Variants in CNTN1 observed in about 807,000 individuals in gnomAD.
The protein encoded by CNTN1 is contactin-1.
CNTN1 carries 38 observed loss-of-function variants against 126.4 expected under a neutral mutation model. The ratio of observed to expected loss-of-function variants is 0.30; its 90% CI spans 0.23 to 0.39. The LOEUF is 0.39. CNTN1 is among the 10% of genes least tolerant of loss of function. The probability of loss-of-function intolerance (pLI) is 1.00; values close to 1 mark genes in which losing one functional copy is unlikely to be tolerated. For missense variants in CNTN1, 1,009 were observed against 1,248.4 expected, an observed-to-expected ratio of 0.81 and a Z score of 2.89; for synonymous variants, 413 against 422.6, an observed-to-expected ratio of 0.98 and a Z score of 0.28.
intron 15 of CNTN1, among the ~76,000 whole-genome samples, chr12:40,974,237 T>G (rs1054955262): frequency 6.6e-6 from 1 of 151,272 alleles, no homozygotes; most frequent in African/African-American, 2.4e-5. Flanking sequence ...CAATAAAGAG[T>G]GGGAATGTAT....
chr12:40,903,503 A>AG (rs1309163078), intron 1 of CNTN1, among the ~76,000 whole-genome samples: 2 of 150,134 alleles, frequency 1.3e-5, no homozygotes, highest in African/African-American at 2.4e-5. Flanking sequence ...GAGAAGTAGT[A>AG]GGGGCAGTTT....
At chr12:40,906,918 T>A (rs1258960559) in intron 1 of CNTN1, among the ~76,000 whole-genome samples, 1 of 152,132 alleles carries the variant, frequency 6.6e-6, no homozygotes, top group Non-Finnish European at 1.5e-5. Flanking sequence ...CCTCAGGTGA[T>A]CTACGAGCTT....
intron 1 of CNTN1, among the ~76,000 whole-genome samples, chr12:40,739,639 C>T (rs917863297): frequency 6.6e-6 from 1 of 151,962 alleles, no homozygotes; most frequent in African/African-American, 2.4e-5. Context: ...AGGCTTCAGC[C>T]ATATCTGTAA....
intron 1 of CNTN1, among the ~76,000 whole-genome samples, chr12:40,905,433 C>T (rs1944774594): frequency 6.6e-6 from 1 of 152,138 alleles, no homozygotes; most frequent in Non-Finnish European, 1.5e-5. Context: ...TCTCTCTGGT[C>T]AGTGCTGCTT....
chr12:40,779,831 A>G (rs1939723825), intron 1 of CNTN1, among the ~76,000 whole-genome samples: 1 of 151,952 alleles, frequency 6.6e-6, no homozygotes, highest in African/African-American at 2.4e-5. Flanking sequence ...TCAGCAGGAT[A>G]TATTTTAGCT....
intron 5 of CNTN1, 106 bp from the exon 6 acceptor site, chr12:40,924,451 T>C (rs1281904910): frequency 2.9e-6 from 2 of 701,016 alleles, no homozygotes; most frequent in Non-Finnish European, 5.3e-6. Context: ...CACTGAGAAG[T>C]GCTGTATCTC....
At chr12:40,742,689 T>C (rs975333479) in intron 1 of CNTN1, among the ~76,000 whole-genome samples, 2 of 152,010 alleles carry the variant, frequency 1.3e-5, no homozygotes, top group Non-Finnish European at 1.5e-5. Context: ...GTCCTTTGAC[T>C]TCTATTCCTA....
At chr12:40,891,258 G>A (rs1266715788) in intron 1 of CNTN1, among the ~76,000 whole-genome samples, 1 of 151,970 alleles carries the variant, frequency 6.6e-6, no homozygotes, top group Non-Finnish European at 1.5e-5. Context: ...GCATATTTTG[G>A]ATAACACTCC....
intron 1 of CNTN1, among the ~76,000 whole-genome samples, chr12:40,816,221 A>AATGGT (rs1237866987): frequency 6.6e-6 from 1 of 152,296 alleles, no homozygotes; most frequent in African/African-American, 2.4e-5. Context: ...TTTCAGAAGG[A>AATGGT]ATGGTACTAG....
At chr12:40,824,136 A>G (rs1284855784) in intron 1 of CNTN1, among the ~76,000 whole-genome samples, 1 of 152,090 alleles carries the variant, frequency 6.6e-6, no homozygotes, top group East Asian at 1.9e-4. Flanking sequence ...AAACATCTTA[A>G]CAGCGTTGAA....
At chr12:40,705,782 G>T (rs2121134578) in intron 1 of CNTN1, among the ~76,000 whole-genome samples, 2 of 152,286 alleles carry the variant, frequency 1.3e-5, no homozygotes, top group Admixed American at 6.5e-5. Flanking sequence ...GCATAATGCA[G>T]GCATTGCTTC....
chr12:40,912,066 T>C (rs1455064290), intron 3 of CNTN1, among the ~76,000 whole-genome samples: 1 of 152,246 alleles, frequency 6.6e-6, no homozygotes, highest in East Asian at 1.9e-4. Flanking sequence ...TATAATAGTT[T>C]TTAATGATTA....
intron 18 of CNTN1, 143 bp from the exon 19 acceptor site, chr12:41,016,539 C>G (rs1948785204): frequency 4.5e-6 from 3 of 666,076 alleles, no homozygotes; most frequent in East Asian, 2.7e-5. Flanking sequence ...TGTTTTTCCT[C>G]TGACATTTGG....
chr12:40,848,360 G>C (rs1942594164), intron 1 of CNTN1, among the ~76,000 whole-genome samples: 1 of 152,038 alleles, frequency 6.6e-6, no homozygotes, highest in Admixed American at 6.5e-5. Flanking sequence ...CTGTGCTCTA[G>C]GCTAGATTAT....
At chr12:40,971,544 T>C in intron 15 of CNTN1, 2 of 424,080 alleles carry the variant, frequency 4.7e-6, no homozygotes, top group South Asian at 5.6e-5. Flanking sequence ...TGTGAAAGAC[T>C]TTTTTTTTTT....
At chr12:40,880,644 AC>A (rs1943840196) in intron 1 of CNTN1, among the ~76,000 whole-genome samples, 1 of 152,044 alleles carries the variant, frequency 6.6e-6, no homozygotes, top group African/African-American at 2.4e-5. Context: ...TACTCCTTTG[AC>A]AATAAGTGTC....
chr12:40,903,426 G>A (rs1051653677), intron 1 of CNTN1, among the ~76,000 whole-genome samples: 2 of 89,062 alleles, frequency 2.2e-5, no homozygotes, highest in Non-Finnish European at 4.4e-5. Flanking sequence ...TTCATTTTTT[G>A]CAACACTTTC....
intron 23 of CNTN1, among the ~76,000 whole-genome samples, chr12:41,054,610 A>G: frequency 6.6e-6 from 1 of 152,056 alleles, no homozygotes; most frequent in East Asian, 1.9e-4. Context: ...TATTTTATTG[A>G]TCTTCAGCAG....
At position 40,697,794 on chromosome 12, in the gene CNTN1, C is replaced by T. The variant is rs188876766; in HGVS notation, c.-77+5202C>T. Reference sequence around the variant, plus strand: ...TCCTATTATTCTTTAGGCAGCTCTCCCATGAAGTGAATAGTACCTTAATTC... The same window carrying T: ...TCCTATTATTCTTTAGGCAGCTCTCTCATGAAGTGAATAGTACCTTAATTC... On this transcript the variant is annotated intron_variant, in intron 1 of 23. Transcript: ENST00000551295. Among the ~76,000 whole-genome samples the T allele has an allele frequency of 4.1e-4, 62 of 152,282 alleles. No homozygotes were observed. The East Asian group carries it at 0.011, about 27-fold the overall frequency.
Sources: gnomAD v4.1 joint callset for allele counts (sites outside exome capture counted in the v4.1 genomes callset) on GRCh38, gnomAD v4.1.1 for gene constraint, MANE v1.5 for transcripts, NCBI Gene and HGNC (gene_info 2026-07-23, HGNC 2026-07-21) for gene names.